RBFOX1: variants seen among roughly 807,000 people sequenced by gnomAD.
RBFOX1 encodes the protein RNA binding fox-1 homolog 1, also known as RNA binding protein fox-1 homolog 1.
In RBFOX1, 8 loss-of-function variants were observed where a neutral mutation model predicts 57.7. That is an observed-to-expected ratio of 0.14 (90% CI 0.08 to 0.25). RBFOX1 has a LOEUF of 0.25. Ranked by LOEUF, RBFOX1 falls within the 10% of genes least tolerant of loss-of-function variation. RBFOX1 has a pLI of 1.00. For synonymous variants in RBFOX1, 326 were observed against 222.4 expected (o/e 1.47, Z -4.15); for missense variants, 611 against 548.5 (o/e 1.11, Z -1.14).
At chr16:5,253,156 C>G (rs545338471) in intron 1 of RBFOX1, among the ~76,000 whole-genome samples, 10 of 148,924 alleles carry the variant, frequency 6.7e-5, no homozygotes, top group Admixed American at 3.3e-4. Flanking sequence ...TTTTTTCTTT[C>G]TTTCTTTTTT....
At position 5,586,017 on chromosome 16, in the gene RBFOX1, G is replaced by C. The variant is rs181687265; in HGVS notation, c.259-12885G>C. ...GAGATTATCTTCCCCTAAATCCAAC[G>C]ACTGGTGTCTTTAAAAAAGACATAA... On this transcript the variant is annotated intron_variant, in intron 2 of 2. Coordinates refer to the RBFOX1 transcript ENST00000585867. Among the ~76,000 whole-genome samples, 6 of 152,236 alleles carry C rather than the reference G, an allele frequency of 3.9e-5. No individual in the cohort carries two copies. In the East Asian group the frequency reaches 9.7e-4, roughly 25 times the overall value.
At chr16:5,835,807 T>C (rs1307478944) in intron 3 of RBFOX1, among the ~76,000 whole-genome samples, 1 of 152,228 alleles carries the variant, frequency 6.6e-6, no homozygotes. Context: ...TTAGTCTTTT[T>C]CTGGGGGACA....
At chr16:7,681,167 A>T (rs1259518352) in intron 14 of RBFOX1, among the ~76,000 whole-genome samples, 2 of 152,172 alleles carry the variant, frequency 1.3e-5, no homozygotes, top group Non-Finnish European at 2.9e-5. Flanking sequence ...TTTTAAAATT[A>T]TTTAAGTGAC....
intron 3 of RBFOX1, among the ~76,000 whole-genome samples, chr16:5,747,760 C>T (rs1047539072): frequency 1.3e-5 from 2 of 152,020 alleles, no homozygotes; most frequent in African/African-American, 4.8e-5. Flanking sequence ...TTTGATTCTT[C>T]CCTCTTTACT....
intron 1 of RBFOX1, among the ~76,000 whole-genome samples, chr16:6,077,212 G>A (rs544270507): frequency 2.0e-5 from 3 of 152,232 alleles, no homozygotes; most frequent in Admixed American, 6.5e-5. Context: ...CCCCTGCCAC[G>A]GTTCTCTGCT....
intron 2 of RBFOX1, among the ~76,000 whole-genome samples, chr16:6,395,519 T>C (rs1414557212): frequency 6.6e-6 from 1 of 152,170 alleles, no homozygotes; most frequent in Non-Finnish European, 1.5e-5. Context: ...TTTAAGTTCT[T>C]ACTTTTTTTT....
At chr16:7,086,783 C>T (rs1035499325) in intron 4 of RBFOX1, among the ~76,000 whole-genome samples, 2 of 145,454 alleles carry the variant, frequency 1.4e-5, no homozygotes, top group African/African-American at 5.1e-5. Flanking sequence ...GTATCATCTT[C>T]ATCCTTAGAT....
At chr16:5,590,461 C>G (rs748254004) in intron 2 of RBFOX1, among the ~76,000 whole-genome samples, 1 of 152,120 alleles carries the variant, frequency 6.6e-6, no homozygotes, top group Admixed American at 6.5e-5. Context: ...GCATTTCCTA[C>G]GAAGGGCTGG....
intron 2 of RBFOX1, among the ~76,000 whole-genome samples, chr16:6,398,176 T>G (rs56374822): frequency 6.6e-6 from 1 of 151,978 alleles, no homozygotes; most frequent in Admixed American, 6.6e-5. Context: ...CTCACCATCA[T>G]GAGAACAGCA....
chr16:6,749,740 C>T (rs1473566489), intron 3 of RBFOX1, among the ~76,000 whole-genome samples: 2 of 152,146 alleles, frequency 1.3e-5, no homozygotes, highest in Non-Finnish European at 2.9e-5. Context: ...TTAAGAATAA[C>T]AGCGACTTGG....
rs1464374571 is a variant in RBFOX1 at position 6,899,181 on chromosome 16, ATAT to A, written c.-15-152875_-15-152873del. Among the ~76,000 whole-genome samples, 24 of 102,924 alleles carry A rather than the reference ATAT, an allele frequency of 2.3e-4. 2 individuals are homozygous for A. The East Asian group carries it at 7.4e-3, about 32-fold the overall frequency. 67.5% of individuals were successfully genotyped at this position (102,924 alleles called of 152,430 possible). A position where few individuals can be genotyped will look rare whatever the true frequency, so the allele number is the denominator to read the frequency against. On this transcript the variant is annotated intron_variant, in intron 3 of 15. Coordinates refer to ENST00000550418, the MANE Select transcript of RBFOX1 (RefSeq NM_018723.4). Reference sequence around the variant, plus strand: ...TGTAACATGTGTATGTGTGTGTATAATATGTGTGTGAGTGCATATGTGTGTATA... The same window carrying A: ...TGTAACATGTGTATGTGTGTGTATAAGTGTGTGAGTGCATATGTGTGTATA...
intron 1 of RBFOX1, among the ~76,000 whole-genome samples, chr16:6,024,892 C>A (rs993735447): frequency 1.1e-4 from 16 of 152,214 alleles, no homozygotes; most frequent in African/African-American, 3.9e-4. Flanking sequence ...CATGCAGATA[C>A]CTTGTCCTAA....
At chr16:6,587,858 T>C (rs528938808) in intron 2 of RBFOX1, among the ~76,000 whole-genome samples, 3 of 152,316 alleles carry the variant, frequency 2.0e-5, no homozygotes, top group South Asian at 4.1e-4. Flanking sequence ...CGTCTTCCCA[T>C]ATATATTGGA....
chr16:6,864,594 G>C (rs570224679), intron 3 of RBFOX1, among the ~76,000 whole-genome samples: 36 of 149,964 alleles, frequency 2.4e-4, no homozygotes, highest in African/African-American at 8.1e-4. Flanking sequence ...AAACAGGCTG[G>C]ATGTGTCAAC....
At chr16:6,478,593 A>C (rs1381050511) in intron 2 of RBFOX1, among the ~76,000 whole-genome samples, 1 of 151,358 alleles carries the variant, frequency 6.6e-6, no homozygotes, top group Admixed American at 6.6e-5. Context: ...ATGAAGCTTA[A>C]TCATTTCTAG....
intron 4 of RBFOX1, among the ~76,000 whole-genome samples, chr16:6,009,969 C>T (rs1252321464): frequency 1.3e-5 from 2 of 152,144 alleles, no homozygotes; most frequent in Non-Finnish European, 2.9e-5. Context: ...GTTGGACAGC[C>T]ACAGCACATT....
In RBFOX1 at chr16:6,463,329, A is replaced by G. The variant is rs2094962793; in HGVS notation, c.-64+146272A>G. Among the ~76,000 whole-genome samples the G allele has an allele frequency of 3.3e-5, 5 of 152,144 alleles. No individual in the cohort carries two copies. The South Asian group carries it at 1.0e-3, about 32-fold the overall frequency. On this transcript the variant is annotated intron_variant, in intron 2 of 15. Transcript: ENST00000550418. ...TACTCACACAGATCACAATTTCTGA[A>G]CTCTATTAACTCAGGTCAACTATTT... is the stretch of plus-strand genomic sequence containing the variant.
chr16:6,743,330 C>T lies in RBFOX1; in HGVS notation c.-16+88680C>T, dbSNP rs371482178. ...GGTTTAAACCTAATTCTGTCAATCACATTAAATATTAATGTTCTAAATATA... is the reference window on the plus strand; with the variant it reads ...GGTTTAAACCTAATTCTGTCAATCATATTAAATATTAATGTTCTAAATATA... On this transcript the variant is annotated intron_variant, in intron 3 of 15. Coordinates refer to ENST00000550418, the MANE Select transcript of RBFOX1 (RefSeq NM_018723.4). Among the ~76,000 whole-genome samples, 9 of 152,268 alleles carry T rather than the reference C, an allele frequency of 5.9e-5. No homozygotes were observed. In the South Asian group the frequency reaches 1.9e-3, roughly 32 times the overall value.
intron 4 of RBFOX1, among the ~76,000 whole-genome samples, chr16:5,951,909 C>G (rs1163633758): frequency 6.6e-6 from 1 of 151,628 alleles, no homozygotes; most frequent in Non-Finnish European, 1.5e-5. Context: ...TACATACTCT[C>G]AAGGTGTAGA....
Sources: allele counts gnomAD v4.1 joint callset (sites outside exome capture counted in the v4.1 genomes callset), GRCh38; gene constraint gnomAD v4.1.1; transcripts MANE v1.5; gene names NCBI Gene and HGNC (gene_info 2026-07-23, HGNC 2026-07-21).